The following SIM1 variants were observed in gnomAD, a reference collection of about 807,000 sequenced individuals.
SIM1 encodes SIM bHLH transcription factor 1.
SIM1 carries 18 observed loss-of-function variants against 78.2 expected under a neutral mutation model. The observed-to-expected ratio is 0.23, with a 90% CI of 0.16 to 0.34. SIM1 has a LOEUF of 0.34. Among genes scored for constraint, SIM1 ranks in the 10% least tolerant of loss-of-function variants. The probability of loss-of-function intolerance (pLI) is 1.00; values close to 1 mark genes in which losing one functional copy is unlikely to be tolerated. For synonymous variants in SIM1, 417 were observed against 385.2 expected, an observed-to-expected ratio of 1.08 and a Z score of -0.97; for missense variants, 939 against 975.1, an observed-to-expected ratio of 0.96 and a Z score of 0.49.
chr6:100,420,886 G>A lies in SIM1; in HGVS notation c.1071C>T (p.Thr357=). 2 of 1,613,980 alleles carry A rather than the reference G, an allele frequency of 1.2e-6. No individual in the cohort carries two copies. The highest frequency in any genetic ancestry group is 2.2e-5 in the East Asian group (1 of 44,846). The change falls in exon 10 of 12, where the codon ACC becomes ACT. Residue 357 remains threonine (T), a synonymous_variant. Transcript: ENST00000369208. ...CAGTCATGGTGGGGGTGGAGCTGCT[G>A]GTATAGGAGAAGGCTGGTTTGGAGG... The part of the protein sequence containing the change: ...ISASKPAFSY[T]SSSTPTMTDN...
At position 100,393,648 on chromosome 6, in the gene SIM1, C is replaced by T. The variant is rs1390346150; in HGVS notation, c.1409G>A (p.Gly470Asp). Residue 470 changes from glycine to aspartate, a missense_variant, in exon 11 of 12, where the codon GGC (glycine) becomes GAC (aspartate). Physicochemically the swap from Gly to Asp is moderately conservative, Grantham distance 94 (BLOSUM62 -1). This residue lies in a region of SIM1 where 556 missense variants were observed against 521.9 expected (regional missense o/e 1.07). Coordinates refer to ENST00000369208, the MANE Select transcript of SIM1 (RefSeq NM_005068.3). Reference sequence around the variant, plus strand: ...GAAGTACCTGCCTGCCTCACATCGGCCTCCTTCACAGGCCTGGGTATGGAA... The same window carrying T: ...GAAGTACCTGCCTGCCTCACATCGGTCTCCTTCACAGGCCTGGGTATGGAA... Reference protein sequence around the residue: ...RHFHTQACEGGRCEAGRYFLG... With the variant: ...RHFHTQACEGDRCEAGRYFLG... The T allele has an allele frequency of 7.4e-6, 12 of 1,614,002 alleles. No individual in the cohort carries two copies. Among genetic ancestry groups the T allele is most frequent in the Non-Finnish European group, 1.0e-5 (12 of 1,179,950 alleles).
chr6:100,461,689 A>T lies in SIM1; in HGVS notation c.175+1605T>A, dbSNP rs538863199. Among the ~76,000 whole-genome samples the T allele has an allele frequency of 4.1e-4, 62 of 152,356 alleles. 1 individual carries two copies. The South Asian group carries it at 0.012, about 30-fold the overall frequency. On this transcript the variant is annotated intron_variant, in intron 2 of 11. Coordinates refer to ENST00000369208, the MANE Select transcript of SIM1 (RefSeq NM_005068.3). ...TTTTTATAAAGTAGGCGCTGACAGT[A>T]TAAAAGACAACGAGATCTCTTTTTT...
intron 2 of SIM1, among the ~76,000 whole-genome samples, chr6:100,457,690 C>T (rs1468035091): frequency 2.0e-5 from 3 of 152,256 alleles, no homozygotes; most frequent in African/African-American, 7.2e-5. Context: ...CTAGAGCAGT[C>T]ACTGGTAGGA....
rs1771008347 is a variant in SIM1, at chr6:100,404,604, GT to G, written c.1168-10716del. ...AATATGTTCTTTTTTTTCATTCACTGTTATGGGAAGAACAGATGGTGAAAGG... is the reference window on the plus strand; with the variant it reads ...AATATGTTCTTTTTTTTCATTCACTGTATGGGAAGAACAGATGGTGAAAGG... On this transcript the variant is annotated intron_variant, in intron 10 of 11. Coordinates refer to ENST00000369208, the MANE Select transcript of SIM1 (RefSeq NM_005068.3). 2.0e-5 allele frequency among the ~76,000 whole-genome samples: 3 copies of G among 149,732 alleles called. No individual in the cohort carries two copies. In the South Asian group the frequency reaches 6.4e-4, roughly 32 times the overall value.
chr6:100,389,779 A>C lies in SIM1; in HGVS notation c.*582T>G. The C allele has an allele frequency of 2.5e-6, 1 of 399,142 alleles. No individual in the cohort carries two copies. The allele number at this position is 399,142 out of a possible 1,614,324, so 24.7% of individuals were successfully genotyped here. The stretch of plus-strand genomic sequence containing the variant: ...TCATTTTTGCACCATATCCAGAACC[A>C]TTTCTCTAATTTATGCCTGAACCAA... On this transcript the variant is annotated 3_prime_UTR_variant, in exon 12 of 12. Coordinates refer to ENST00000369208, the MANE Select transcript of SIM1 (RefSeq NM_005068.3).
Position 100,393,666 on chromosome 6 carries a change from G to A in SIM1, c.1391C>T (p.Thr464Ile), listed in dbSNP as rs201812554. The A allele has an allele frequency of 8.6e-5, 139 of 1,613,990 alleles. No individual in the cohort carries two copies. The highest frequency in any genetic ancestry group is 4.3e-4 in the African/African-American group (32 of 74,954). The change falls in exon 11 of 12, where the codon ACC becomes ATC. Residue 464 changes from threonine (T) to isoleucine (I), a missense_variant. Transcript: ENST00000369208. ...SRLVEERHFHTQACEGGRCEA... is the reference protein window; with the variant it reads ...SRLVEERHFHIQACEGGRCEA... ...ACATCGGCCTCCTTCACAGGCCTGG[G>A]TATGGAAATGCCTCTCTTCCACCAG...
At chr6:100,462,063 G>T (rs565526090) in intron 2 of SIM1, among the ~76,000 whole-genome samples, 1 of 151,968 alleles carries the variant, frequency 6.6e-6, no homozygotes, top group East Asian at 1.9e-4. Flanking sequence ...ATGTTTTGCA[G>T]GCTTTTTGAC....
intron 3 of SIM1, among the ~76,000 whole-genome samples, chr6:100,450,696 T>TCTCTCTCTCTCACACACA (rs1421452803): frequency 1.5e-3 from 134 of 91,910 alleles, no homozygotes; most frequent in Admixed American, 2.9e-3. Flanking sequence ...TCTCTCTCTC[T>TCTCTCTCTCTCACACACA]CACACACACA....
intron 11 of SIM1, among the ~76,000 whole-genome samples, chr6:100,393,132 T>C (rs1770681178): frequency 6.6e-6 from 1 of 152,168 alleles, no homozygotes; most frequent in Non-Finnish European, 1.5e-5. Flanking sequence ...CAAATGAGCC[T>C]ACCGACTATT....
intron 10 of SIM1, among the ~76,000 whole-genome samples, chr6:100,420,157 A>G (rs920203954): frequency 1.3e-5 from 2 of 152,206 alleles, no homozygotes; most frequent in African/African-American, 4.8e-5. Context: ...GTGACTGAAC[A>G]GAAAAATAAT....
chr6:100,419,668 G>C (rs1453913965), intron 10 of SIM1, among the ~76,000 whole-genome samples: 2 of 152,092 alleles, frequency 1.3e-5, no homozygotes, highest in Non-Finnish European at 2.9e-5. Flanking sequence ...TTTTGAGATA[G>C]AGTCTCACTG....
intron 9 of SIM1, among the ~76,000 whole-genome samples, chr6:100,433,163 A>G (rs1771944893): frequency 6.6e-6 from 1 of 152,206 alleles, no homozygotes; most frequent in Non-Finnish European, 1.5e-5. Flanking sequence ...CAAACCAGTC[A>G]GAATGATCTT....
rs963420092 is a variant in SIM1, at chr6:100,452,362, A to C, written c.258+1400T>G. 4.6e-5 allele frequency among the ~76,000 whole-genome samples: 7 copies of C among 152,342 alleles called. No individual in the cohort carries two copies. The East Asian group carries it at 7.7e-4, about 17-fold the overall frequency. On this transcript the variant is annotated intron_variant, in intron 3 of 11. Transcript: ENST00000369208. The stretch of plus-strand genomic sequence containing the variant: ...TGTAAAGCTGCTCTCCTTAGAATGC[A>C]AACTCCATGAGAGCAGGGCTTTCCA...
rs1370568019 is a variant in SIM1, at chr6:100,450,368, C to T, written c.259-12G>A. ...AAGCCATCCAGGGTCTGGGGAGGCA[C>T]AAATAGAGAGAATAGAGAGCCCTCT... On this transcript the variant is annotated splice_polypyrimidine_tract_variant and intron_variant, in intron 3 of 11. Coordinates refer to ENST00000369208, the MANE Select transcript of SIM1 (RefSeq NM_005068.3). 6.2e-7 allele frequency: 1 copy of T among 1,612,456 alleles called. No individual in the cohort carries two copies. Among genetic ancestry groups the T allele is most frequent in the Non-Finnish European group, 8.5e-7 (1 of 1,178,996 alleles).
Position 100,463,363 on chromosome 6 carries a change from G to T in SIM1, c.106C>A (p.Gln36Lys). Residue 36 changes from glutamine to lysine, a missense_variant, in exon 2 of 12, where the codon CAG (glutamine) becomes AAG (lysine). Gln to Lys is a moderately conservative substitution (Grantham distance 53). Around this residue, in one of 5 missense-constraint regions of SIM1, gnomAD observed 121 missense variants for 124.6 expected, o/e 0.97. Coordinates refer to ENST00000369208, the MANE Select transcript of SIM1 (RefSeq NM_005068.3). ...CTGATTATGGATGCTTTGTCCAGCT[G>T]CGAGGTGATAGCCGAGGGCAAAGGC... ...LLPLPSAITS[Q>K]LDKASIIRLT... The T allele has an allele frequency of 6.2e-7, 1 of 1,614,096 alleles. No homozygotes were observed. Among genetic ancestry groups the T allele is most frequent in the Non-Finnish European group, 8.5e-7 (1 of 1,179,988 alleles).
chr6:100,434,921 C>A (rs988917708), intron 9 of SIM1, among the ~76,000 whole-genome samples: 2 of 152,116 alleles, frequency 1.3e-5, no homozygotes, highest in Admixed American at 1.3e-4. Flanking sequence ...CATTCACAGG[C>A]CCTATCCATT....
At chr6:100,444,217 GT>G (rs1772293835) in intron 9 of SIM1, among the ~76,000 whole-genome samples, 1 of 151,920 alleles carries the variant, frequency 6.6e-6, no homozygotes, top group South Asian at 2.1e-4. Context: ...ACTCACGTAG[GT>G]CTTTACACAG....
chr6:100,406,623 A>T (rs2114482016), intron 10 of SIM1, among the ~76,000 whole-genome samples: 1 of 152,348 alleles, frequency 6.6e-6, no homozygotes, highest in African/African-American at 2.4e-5. Flanking sequence ...TACAGTAAAA[A>T]TGAGGAAAAC....
Position 100,412,619 on chromosome 6 carries a change from A to G in SIM1, c.1167+8171T>C, listed in dbSNP as rs1481810089. ...AGAAAGAAAGAAAGAAAGGAAAGAA[A>G]GAAGGAAAGAAAGAAAGAAAAGAAA... On this transcript the variant is annotated intron_variant, in intron 10 of 11. Coordinates refer to ENST00000369208, the MANE Select transcript of SIM1 (RefSeq NM_005068.3). Among the ~76,000 whole-genome samples, 92 of 103,754 alleles carry G rather than the reference A, an allele frequency of 8.9e-4. 4 individuals carry two copies. Among genetic ancestry groups the G allele is most frequent in the African/African-American group, 2.4e-3 (71 of 29,398 alleles). The allele number at this position is 103,754 out of a possible 152,430, so 68.1% of individuals were successfully genotyped here.
Sources: allele counts gnomAD v4.1 joint callset (sites outside exome capture counted in the v4.1 genomes callset), GRCh38; gene constraint gnomAD v4.1.1; regional missense constraint gnomAD v4.1.1; transcripts MANE v1.5; gene names NCBI Gene and HGNC (gene_info 2026-07-23, HGNC 2026-07-21).